MEGF10: variants seen among roughly 807,000 people sequenced by gnomAD.
MEGF10 encodes the protein multiple EGF like domains 10.
A neutral mutation model predicts 147.5 loss-of-function variants in MEGF10; 86 were observed. The ratio of observed to expected loss-of-function variants is 0.58; its 90% CI spans 0.49 to 0.70. The LOEUF (loss-of-function observed/expected upper bound fraction) is 0.70, where lower values mean the gene tolerates loss of function less well. Ranked by LOEUF, MEGF10 falls within the 30% of genes least tolerant of loss-of-function variation. The pLI, the probability that MEGF10 is intolerant of heterozygous loss-of-function variation, is 0.00. For synonymous variants in MEGF10, 478 were observed against 525.5 expected (o/e 0.91, Z 1.24); for missense variants, 1,329 against 1,487.3 (o/e 0.89, Z 1.75).
intron 4 of MEGF10, among the ~76,000 whole-genome samples, chr5:127,348,219 A>G (rs1470081368): frequency 6.6e-6 from 1 of 152,076 alleles, no homozygotes; most frequent in African/African-American, 2.4e-5. Context: ...GCTTATGACT[A>G]CTGTGATTAG....
rs541852651 is a variant in MEGF10, at chr5:127,404,312, A to G, written c.917+1630A>G. On this transcript the variant is annotated intron_variant, in intron 8 of 24. Coordinates refer to ENST00000503335, the MANE Select transcript of MEGF10 (RefSeq NM_001256545.2). The stretch of plus-strand genomic sequence containing the variant: ...TCTTTTGCCTATTTTTGATTGGAAT[A>G]TTAGACTTTTTCCTATAGAATTGTT... Among the ~76,000 whole-genome samples the G allele has an allele frequency of 2.2e-4, 34 of 151,832 alleles. No individual in the cohort carries two copies. In the East Asian group the frequency reaches 6.4e-3, roughly 29 times the overall value.
chr5:127,235,354 A>G, the MEGF10 span, among the ~76,000 whole-genome samples: 1 of 152,230 alleles, frequency 6.6e-6, no homozygotes, highest in Non-Finnish European at 1.5e-5. Context: ...CCTGTGAGTC[A>G]TTCCTGAATC....
At chr5:127,270,899 C>T in the MEGF10 span, among the ~76,000 whole-genome samples, 119 of 152,348 alleles carry the variant, frequency 7.8e-4, no homozygotes, top group African/African-American at 2.7e-3. Flanking sequence ...AGGACATGAT[C>T]GCATTTCTTT....
At chr5:127,313,783 G>A (rs1419422274) in intron 1 of MEGF10, among the ~76,000 whole-genome samples, 2 of 152,192 alleles carry the variant, frequency 1.3e-5, no homozygotes, top group Non-Finnish European at 2.9e-5. Context: ...AGAACTCCCA[G>A]ATACATTGGG....
At chr5:127,448,090 C>T (rs1207001130) in intron 21 of MEGF10, among the ~76,000 whole-genome samples, 1 of 152,124 alleles carries the variant, frequency 6.6e-6, no homozygotes, top group Non-Finnish European at 1.5e-5. Flanking sequence ...GGCAAAATCT[C>T]CAAGTGTGTC....
chr5:127,440,864 C>T lies in MEGF10; in HGVS notation c.2359C>T (p.Gln787Ter), dbSNP rs779401235. 6.2e-7 allele frequency: 1 copy of T among 1,613,878 alleles called. No homozygotes were observed. ...TGGATTCATGGGACGGCACTGTGAG[C>T]AGAGTAAGTATGAGAGTGTGGCATC... ...RTGFMGRHCE[Q>*]KCPSGTYGYG... The change falls in exon 18 of 25, where the codon CAG (glutamine) becomes TAG (stop). Residue 787 changes from glutamine to a stop codon, truncating the protein, a stop_gained. Coordinates refer to ENST00000503335, the MANE Select transcript of MEGF10 (RefSeq NM_001256545.2). LOFTEE classifies it high-confidence loss of function.
chr5:127,246,086 C>T, the MEGF10 span, among the ~76,000 whole-genome samples: 60,664 of 151,906 alleles, frequency 0.4, 12,593 homozygotes, highest in Middle Eastern at 0.54. Context: ...ACCATTTGAC[C>T]CAGCAATCCC....
At chr5:127,421,114 G>C (rs1185643160) in intron 12 of MEGF10, among the ~76,000 whole-genome samples, 2 of 152,172 alleles carry the variant, frequency 1.3e-5, no homozygotes, top group African/African-American at 4.8e-5. Context: ...CATCACTCTA[G>C]TGAACAAATT....
the MEGF10 span, among the ~76,000 whole-genome samples, chr5:127,263,318 TA>T: frequency 7.2e-6 from 1 of 139,378 alleles, no homozygotes; most frequent in South Asian, 2.4e-4. Flanking sequence ...GGGGGGGGGG[TA>T]AAATTATAGA....
At chr5:127,353,592 C>A (rs117184015) in intron 4 of MEGF10, among the ~76,000 whole-genome samples, 1 of 152,204 alleles carries the variant, frequency 6.6e-6, no homozygotes, top group African/African-American at 2.4e-5. Flanking sequence ...GCAGCAGAAT[C>A]GTGAATGGAC....
chr5:127,373,285 G>T (rs1762912048), intron 5 of MEGF10, among the ~76,000 whole-genome samples: 2 of 152,056 alleles, frequency 1.3e-5, no homozygotes, highest in South Asian at 4.1e-4. Flanking sequence ...CCTAGTAGCT[G>T]GGCTTACAGG....
At chr5:127,363,579 G>GT (rs1384236944) in intron 4 of MEGF10, among the ~76,000 whole-genome samples, 4 of 152,162 alleles carry the variant, frequency 2.6e-5, no homozygotes, top group Non-Finnish European at 5.9e-5. Flanking sequence ...AATAAATGTA[G>GT]TTTATTGCTG....
rs1056115062 is a variant in MEGF10 at position 127,434,194 on chromosome 5, A to G, written c.1841-493A>G. ...ACTTAAGTATATAGCATTTTGGTTA[A>G]TCACTTTTCGATTACAGTCATTAAC... On this transcript the variant is annotated intron_variant, in intron 14 of 24. Transcript: ENST00000503335. Among the ~76,000 whole-genome samples, 9 of 152,180 alleles carry G rather than the reference A, an allele frequency of 5.9e-5. No individual in the cohort carries two copies. In the East Asian group the frequency reaches 1.7e-3, roughly 29 times the overall value.
At position 127,440,688 on chromosome 5, in the gene MEGF10, T is replaced by A. The variant is rs749801053; in HGVS notation, c.2234-51T>A. On this transcript the variant is annotated intron_variant, in intron 17 of 24. Coordinates refer to ENST00000503335, the MANE Select transcript of MEGF10 (RefSeq NM_001256545.2). ...TATGTTGGAGGCACGAGCCTCCAAG[T>A]GTTTCTCTTCAGCAGCCTCTTGACT... is the stretch of plus-strand genomic sequence containing the variant. 45 of 1,598,604 alleles carry A rather than the reference T, an allele frequency of 2.8e-5. No individual in the cohort carries two copies. The East Asian group carries it at 9.4e-4, about 33-fold the overall frequency.
intron 13 of MEGF10, among the ~76,000 whole-genome samples, 159 bp from the exon 14 acceptor site, chr5:127,433,204 A>G (rs998903414): frequency 6.6e-6 from 1 of 152,164 alleles, no homozygotes; most frequent in Non-Finnish European, 1.5e-5. Flanking sequence ...TAATGTTATG[A>G]TACTGTGTAT....
chr5:127,374,190 C>T (rs1404441080), intron 5 of MEGF10, among the ~76,000 whole-genome samples: 1 of 152,162 alleles, frequency 6.6e-6, no homozygotes, highest in Non-Finnish European at 1.5e-5. Context: ...ACTGGAGCAG[C>T]TATTGGCACT....
chr5:127,307,043 A>C (rs572548192), intron 1 of MEGF10, among the ~76,000 whole-genome samples: 1 of 152,256 alleles, frequency 6.6e-6, no homozygotes, highest in South Asian at 2.1e-4. Flanking sequence ...TGTTTGTTTT[A>C]TTTTGCTTTG....
At chr5:127,277,922 T>C in the MEGF10 span, among the ~76,000 whole-genome samples, 1 of 151,754 alleles carries the variant, frequency 6.6e-6, no homozygotes, top group South Asian at 2.1e-4. Flanking sequence ...AAATTAGGAG[T>C]TGGGTTTTGA....
the MEGF10 span, among the ~76,000 whole-genome samples, chr5:127,256,795 A>G: frequency 6.6e-6 from 1 of 152,182 alleles, no homozygotes; most frequent in African/African-American, 2.4e-5. Flanking sequence ...TAGAAGAGGG[A>G]AAGCTTCCCC....
Sources: allele counts gnomAD v4.1 joint callset (sites outside exome capture counted in the v4.1 genomes callset), GRCh38; gene constraint gnomAD v4.1.1; transcripts MANE v1.5; gene names NCBI Gene and HGNC (gene_info 2026-07-23, HGNC 2026-07-21).